CACNA1D: variants seen among roughly 807,000 people sequenced by gnomAD.
CACNA1D encodes calcium voltage-gated channel subunit alpha1 D, also known as voltage-dependent L-type calcium channel subunit alpha-1D.
In CACNA1D, 55 loss-of-function variants were observed where a neutral mutation model predicts 257.1. The ratio of observed to expected loss-of-function variants is 0.21; its 90% CI spans 0.17 to 0.27. The LOEUF (loss-of-function observed/expected upper bound fraction) is 0.27. Among genes scored for constraint, CACNA1D ranks in the 10% least tolerant of loss-of-function variants. The pLI, the probability that CACNA1D is intolerant of heterozygous loss-of-function variation, is 1.00. For synonymous variants in CACNA1D, 980 were observed against 1,014.9 expected, an observed-to-expected ratio of 0.97 and a Z score of 0.65; for missense variants, 1,876 against 2,784.0, an observed-to-expected ratio of 0.67 and a Z score of 7.34.
chr3:53,630,402 C>T (rs3774492), intron 3 of CACNA1D, among the ~76,000 whole-genome samples: 4,177 of 152,288 alleles, frequency 0.027, 71 homozygotes, highest in East Asian at 0.052. Flanking sequence ...ATTGCTTATC[C>T]AGTACTTCCA....
intron 3 of CACNA1D, among the ~76,000 whole-genome samples, chr3:53,620,570 C>T (rs993705659): frequency 7.0e-6 from 1 of 143,660 alleles, no homozygotes; most frequent in African/African-American, 2.6e-5. Context: ...GGATTACAGG[C>T]GTGAGCCATG....
intron 3 of CACNA1D, among the ~76,000 whole-genome samples, chr3:53,505,311 G>A (rs376782548): frequency 4.0e-5 from 6 of 151,686 alleles, no homozygotes; most frequent in African/African-American, 9.7e-5. Context: ...GGGTTTCACC[G>A]TGTTAGCCAG....
At chr3:53,727,377 T>C (rs952968526) in intron 15 of CACNA1D, among the ~76,000 whole-genome samples, 62 of 152,320 alleles carry the variant, frequency 4.1e-4, no homozygotes, top group African/African-American at 1.5e-3. Flanking sequence ...TAGGCGTCCA[T>C]CTGTGACTTC....
chr3:53,507,106 G>A (rs1008916098), intron 3 of CACNA1D, among the ~76,000 whole-genome samples: 3 of 150,072 alleles, frequency 2.0e-5, no homozygotes, highest in Non-Finnish European at 4.4e-5. Flanking sequence ...AAAAAATGTG[G>A]TAGAAGGGGA....
chr3:53,604,598 T>C lies in CACNA1D; in HGVS notation c.484-46181T>C, dbSNP rs114977268. ...CATCTAGCAGCTGGCTTGGTTTTGC[T>C]GGTCCTTGCTTTAAAATGGGGATAC... is the stretch of plus-strand genomic sequence containing the variant. On this transcript the variant is annotated intron_variant, in intron 3 of 47. Coordinates refer to ENST00000350061, the MANE Select transcript of CACNA1D (RefSeq NM_001128840.3). 3.5e-3 allele frequency among the ~76,000 whole-genome samples: 532 copies of C among 152,138 alleles called. 7 individuals are homozygous for C. Among genetic ancestry groups the C allele is most frequent in the African/African-American group, 0.012 (510 of 41,544 alleles).
At chr3:53,625,098 G>T (rs1026614625) in intron 3 of CACNA1D, among the ~76,000 whole-genome samples, 4 of 152,136 alleles carry the variant, frequency 2.6e-5, no homozygotes, top group African/African-American at 9.7e-5. Flanking sequence ...CCAAATCCCT[G>T]GTAGCAGGCA....
chr3:53,671,132 T>G (rs1480341883), intron 7 of CACNA1D, among the ~76,000 whole-genome samples: 2 of 152,214 alleles, frequency 1.3e-5, no homozygotes, highest in African/African-American at 2.4e-5. Context: ...CCCAAGAAAT[T>G]AAAAGGGTTT....
At chr3:53,718,755 T>C in intron 10 of CACNA1D, 1 of 1,548,758 alleles carries the variant, frequency 6.5e-7, no homozygotes, top group Non-Finnish European at 8.7e-7. Context: ...AAGGCCTGAT[T>C]CTCCTTCCAG....
At chr3:53,807,945 G>A (rs1411421669) in intron 45 of CACNA1D, 2 of 152,874 alleles carry the variant, frequency 1.3e-5, no homozygotes, top group Admixed American at 6.5e-5. Flanking sequence ...TGTAAACACA[G>A]GAGCCCCAGC....
intron 3 of CACNA1D, among the ~76,000 whole-genome samples, chr3:53,606,444 C>T (rs1166853855): frequency 6.6e-6 from 1 of 152,250 alleles, no homozygotes; most frequent in African/African-American, 2.4e-5. Flanking sequence ...CGTTTAACTA[C>T]ATGATTGCCT....
chr3:53,795,802 A>G (rs1318933754), intron 40 of CACNA1D, among the ~76,000 whole-genome samples: 1 of 152,224 alleles, frequency 6.6e-6, no homozygotes, highest in Non-Finnish European at 1.5e-5. Flanking sequence ...GTGCAGGCAA[A>G]GGTCATATTT....
intron 3 of CACNA1D, among the ~76,000 whole-genome samples, chr3:53,628,434 C>G (rs779564957): frequency 6.6e-6 from 1 of 152,192 alleles, no homozygotes; most frequent in Non-Finnish European, 1.5e-5. Flanking sequence ...TTATAGTACT[C>G]CCTAACCCAA....
intron 8 of CACNA1D, among the ~76,000 whole-genome samples, chr3:53,681,190 G>T (rs749606908): frequency 3.9e-5 from 6 of 152,146 alleles, no homozygotes; most frequent in Non-Finnish European, 8.8e-5. Context: ...AAACAAAACA[G>T]CTTTGATATT....
chr3:53,805,802 CTCT>C (rs1168304588), intron 45 of CACNA1D, among the ~76,000 whole-genome samples: 2 of 144,126 alleles, frequency 1.4e-5, no homozygotes, highest in African/African-American at 2.6e-5. Flanking sequence ...CCTCCTCCTC[CTCT>C]ATCTTCCCTC....
chr3:53,609,439 A>G (rs1270829), intron 3 of CACNA1D, among the ~76,000 whole-genome samples: 1 of 150,704 alleles, frequency 6.6e-6, no homozygotes, highest in African/African-American at 2.4e-5. Context: ...AAAAACTTCA[A>G]GTTATTAAAT....
intron 27 of CACNA1D, among the ~76,000 whole-genome samples, chr3:53,750,608 G>A (rs1374727879): frequency 2.0e-5 from 3 of 152,220 alleles, no homozygotes; most frequent in South Asian, 4.1e-4. Flanking sequence ...TTGTCAGGGA[G>A]AGGTCTGGCC....
At chr3:53,596,302 G>T (rs143640353) in intron 3 of CACNA1D, among the ~76,000 whole-genome samples, 1 of 152,062 alleles carries the variant, frequency 6.6e-6, no homozygotes, top group Admixed American at 6.5e-5. Flanking sequence ...GCATGTGTGT[G>T]CATGTGCATG....
chr3:53,685,583 G>C (rs994492035), intron 8 of CACNA1D, among the ~76,000 whole-genome samples: 6 of 152,146 alleles, frequency 3.9e-5, no homozygotes, highest in Non-Finnish European at 4.4e-5. Flanking sequence ...GGCCATGAAA[G>C]TCTCATTACC....
rs532957038 is a variant in CACNA1D at position 53,718,518 on chromosome 3, C to T, written c.1478+130C>T. The T allele has an allele frequency of 3.3e-5, 35 of 1,046,592 alleles. No individual in the cohort carries two copies. The Middle Eastern group carries it at 7.0e-4, about 21-fold the overall frequency. 64.8% of individuals were successfully genotyped at this position (1,046,592 alleles called of 1,614,324 possible). On this transcript the variant is annotated intron_variant, in intron 10 of 47. Coordinates refer to ENST00000350061, the MANE Select transcript of CACNA1D (RefSeq NM_001128840.3). Reference sequence around the variant, plus strand: ...GGGTGTGGCGGGTGGGAAGGCTCCTCGTACCCCACGCCACGCTTCCTCCTG... The same window carrying T: ...GGGTGTGGCGGGTGGGAAGGCTCCTTGTACCCCACGCCACGCTTCCTCCTG...
Sources: gnomAD v4.1 joint callset for allele counts (sites outside exome capture counted in the v4.1 genomes callset) on GRCh38, gnomAD v4.1.1 for gene constraint, MANE v1.5 for transcripts, NCBI Gene and HGNC (gene_info 2026-07-23, HGNC 2026-07-21) for gene names.